Variants in GRM3 observed in about 807,000 individuals in gnomAD.
GRM3 encodes metabotropic glutamate receptor 3.
A neutral mutation model predicts 70.5 loss-of-function variants in GRM3; 26 were observed. That is an observed-to-expected ratio of 0.37 (90% CI 0.27 to 0.51). The LOEUF (loss-of-function observed/expected upper bound fraction) is 0.51, where lower values mean the gene tolerates loss of function less well. Ranked by LOEUF, GRM3 falls within the 20% of genes least tolerant of loss-of-function variation. The pLI, the probability that GRM3 is intolerant of heterozygous loss-of-function variation, is 0.93. For synonymous variants in GRM3, 443 were observed against 434.9 expected (o/e 1.02, Z -0.23); for missense variants, 859 against 1,123.8 (o/e 0.76, Z 3.37).
chr7:86,848,418 C>T (rs552232340), intron 4 of GRM3, among the ~76,000 whole-genome samples: 167 of 152,256 alleles, frequency 1.1e-3, no homozygotes, highest in Non-Finnish European at 2.0e-3. Context: ...TTTATGATCT[C>T]TAAGTCCACA....
intron 1 of GRM3, among the ~76,000 whole-genome samples, chr7:86,695,954 T>A (rs1794805083): frequency 6.6e-6 from 1 of 152,202 alleles, no homozygotes; most frequent in Non-Finnish European, 1.5e-5. Context: ...AGGTACAGTT[T>A]ACCTTAGCTT....
intron 3 of GRM3, among the ~76,000 whole-genome samples, chr7:86,820,141 A>C (rs1424245252): frequency 6.6e-6 from 1 of 152,208 alleles, no homozygotes; most frequent in Non-Finnish European, 1.5e-5. Context: ...GTTTGTGGGC[A>C]GCTTTTGATG....
intron 1 of GRM3, among the ~76,000 whole-genome samples, chr7:86,746,741 G>A (rs1266348924): frequency 6.6e-6 from 1 of 151,958 alleles, no homozygotes; most frequent in African/African-American, 2.4e-5. Context: ...AAGAAATATT[G>A]GACAGAGATG....
chr7:86,665,556 C>T (rs956228278), intron 1 of GRM3, among the ~76,000 whole-genome samples: 4 of 151,852 alleles, frequency 2.6e-5, no homozygotes, highest in African/African-American at 9.7e-5. Flanking sequence ...TTCATAATCC[C>T]GTCTGCATGT....
chr7:86,688,022 G>A (rs1444521461), intron 1 of GRM3, among the ~76,000 whole-genome samples: 2 of 151,414 alleles, frequency 1.3e-5, no homozygotes, highest in African/African-American at 4.8e-5. Context: ...GTTTAAAAGA[G>A]CTGAATCAGT....
intron 3 of GRM3, among the ~76,000 whole-genome samples, chr7:86,790,129 C>T (rs1192496889): frequency 1.3e-5 from 2 of 152,128 alleles, no homozygotes; most frequent in East Asian, 3.9e-4. Context: ...CTAGAAGATT[C>T]TCTCCCCACC....
chr7:86,738,613 T>C (rs1324087453), intron 1 of GRM3, among the ~76,000 whole-genome samples: 1 of 152,172 alleles, frequency 6.6e-6, no homozygotes, highest in East Asian at 1.9e-4. Flanking sequence ...TCACACACTT[T>C]ATGAATATCA....
At chr7:86,832,913 T>C (rs1189709240) in intron 3 of GRM3, 16 of 521,052 alleles carry the variant, frequency 3.1e-5, no homozygotes, top group Non-Finnish European at 3.9e-5. Flanking sequence ...GACCTGATTT[T>C]GAAGCACCCG....
intron 1 of GRM3, among the ~76,000 whole-genome samples, chr7:86,726,747 T>G (rs1795602174): frequency 6.6e-6 from 1 of 152,212 alleles, no homozygotes; most frequent in African/African-American, 2.4e-5. Flanking sequence ...AAAGTCCCAT[T>G]AACTTCGCAT....
At chr7:86,708,548 G>A (rs1371226341) in intron 1 of GRM3, among the ~76,000 whole-genome samples, 33 of 152,074 alleles carry the variant, frequency 2.2e-4, no homozygotes, top group Non-Finnish European at 1.9e-4. Flanking sequence ...AAAAGAAGGC[G>A]GAGAGCTTTG....
In GRM3 at chr7:86,737,951, C is replaced by T. The variant is rs1477372833; in HGVS notation, c.-140-27055C>T. 2.6e-5 allele frequency among the ~76,000 whole-genome samples: 4 copies of T among 152,160 alleles called. No homozygotes were observed. The East Asian group carries it at 7.7e-4, about 29-fold the overall frequency. On this transcript the variant is annotated intron_variant, in intron 1 of 5. Coordinates refer to ENST00000361669, the MANE Select transcript of GRM3 (RefSeq NM_000840.3). ...CTATATGAAATCTATTGTGCACATTCCCCTCACCATTTAGATGTTCCTTTG... is the reference window on the plus strand; with the variant it reads ...CTATATGAAATCTATTGTGCACATTTCCCTCACCATTTAGATGTTCCTTTG...
chr7:86,662,621 A>G (rs1793921706), intron 1 of GRM3, among the ~76,000 whole-genome samples: 1 of 151,968 alleles, frequency 6.6e-6, no homozygotes, highest in African/African-American at 2.4e-5. Context: ...TAAGAGTCTT[A>G]TAATGTCAGT....
At chr7:86,857,260 C>T (rs999695270) in intron 5 of GRM3, among the ~76,000 whole-genome samples, 2 of 151,794 alleles carry the variant, frequency 1.3e-5, no homozygotes, top group Admixed American at 6.6e-5. Flanking sequence ...AATGACACTA[C>T]GTAGTAGCCT....
chr7:86,753,686 GAA>G (rs2116369556), intron 1 of GRM3, among the ~76,000 whole-genome samples: 1 of 152,154 alleles, frequency 6.6e-6, no homozygotes, highest in African/African-American at 2.4e-5. Flanking sequence ...TCTGCAGTTA[GAA>G]AAACTCTGAT....
intron 1 of GRM3, 197 bp downstream of exon 1, chr7:86,645,069 G>A: frequency 2.9e-6 from 1 of 350,690 alleles, no homozygotes; most frequent in Non-Finnish European, 5.6e-6. Context: ...GTGTGTGTGC[G>A]CCCACGTCTG....
At chr7:86,694,468 C>A (rs1794765177) in intron 1 of GRM3, among the ~76,000 whole-genome samples, 2 of 130,470 alleles carry the variant, frequency 1.5e-5, no homozygotes, top group Non-Finnish European at 3.1e-5. Flanking sequence ...GCCGAGATGG[C>A]ACCACTGCAC....
intron 5 of GRM3, among the ~76,000 whole-genome samples, chr7:86,860,190 C>A (rs553465489): frequency 3.7e-4 from 57 of 152,284 alleles, no homozygotes; most frequent in Non-Finnish European, 7.1e-4. Context: ...CATTAAAAAT[C>A]TCATGAGGAT....
chr7:86,710,554 G>A (rs907731174), intron 1 of GRM3, among the ~76,000 whole-genome samples: 20 of 127,548 alleles, frequency 1.6e-4, no homozygotes, highest in Non-Finnish European at 2.8e-4. Context: ...AGCTGCTACT[G>A]TGTGTGTGTG....
At chr7:86,714,398 C>G (rs1033986185) in intron 1 of GRM3, among the ~76,000 whole-genome samples, 1 of 150,910 alleles carries the variant, frequency 6.6e-6, no homozygotes. Context: ...TAACCTTTTA[C>G]TGTATGTGCA....
Sources: allele counts gnomAD v4.1 joint callset (sites outside exome capture counted in the v4.1 genomes callset), GRCh38; gene constraint gnomAD v4.1.1; transcripts MANE v1.5; gene names NCBI Gene and HGNC (gene_info 2026-07-23, HGNC 2026-07-21).